Variants in KCNMB2 observed in about 807,000 individuals in gnomAD.
KCNMB2 encodes the protein calcium-activated potassium channel subunit beta-2.
A neutral mutation model predicts 24.5 loss-of-function variants in KCNMB2; 9 were observed. The observed-to-expected ratio is 0.37, with a 90% confidence interval of 0.22 to 0.64. KCNMB2 has a LOEUF of 0.64. Ranked by LOEUF, KCNMB2 falls within the 30% of genes least tolerant of loss-of-function variation. The pLI is 0.63. For missense variants in KCNMB2, 226 were observed against 284.3 expected (o/e 0.79, Z 1.47); for synonymous variants, 109 against 104.4 (o/e 1.04, Z -0.27).
chr3:178,586,158 A>T (rs916961866), intron 1 of KCNMB2, among the ~76,000 whole-genome samples: 1 of 152,048 alleles, frequency 6.6e-6, no homozygotes, highest in Non-Finnish European at 1.5e-5. Flanking sequence ...TCAAGAGGGG[A>T]TTTTGTGGAG....
At chr3:178,578,255 A>C (rs1455235573) in intron 1 of KCNMB2, among the ~76,000 whole-genome samples, 1 of 152,266 alleles carries the variant, frequency 6.6e-6, no homozygotes, top group Non-Finnish European at 1.5e-5. Flanking sequence ...TTTTCAACCC[A>C]GAATTTCATA....
intron 4 of KCNMB2, among the ~76,000 whole-genome samples, chr3:178,839,931 A>G (rs1412033839): frequency 6.6e-6 from 1 of 152,212 alleles, no homozygotes; most frequent in Non-Finnish European, 1.5e-5. Context: ...CCTTCCCAAC[A>G]GTCCCCCAAA....
intron 1 of KCNMB2, among the ~76,000 whole-genome samples, chr3:178,805,784 C>T (rs1287412134): frequency 6.6e-6 from 1 of 152,044 alleles, no homozygotes; most frequent in African/African-American, 2.4e-5. Flanking sequence ...CACACACTAC[C>T]ACACGTGGCT....
chr3:178,585,240 T>C (rs1717385211), intron 1 of KCNMB2, among the ~76,000 whole-genome samples: 1 of 152,198 alleles, frequency 6.6e-6, no homozygotes, highest in South Asian at 2.1e-4. Flanking sequence ...ATCATCATAA[T>C]ACATTTGTAC....
chr3:178,597,870 T>G (rs1039902055), intron 1 of KCNMB2, among the ~76,000 whole-genome samples: 3 of 152,136 alleles, frequency 2.0e-5, no homozygotes, highest in Non-Finnish European at 4.4e-5. Context: ...ATAATCTCCT[T>G]GGCTACAACT....
chr3:178,828,351 A>G lies in KCNMB2; in HGVS notation c.401A>G (p.Glu134Gly). 6.2e-7 allele frequency: 1 copy of G among 1,613,432 alleles called. No individual in the cohort carries two copies. The highest frequency in any genetic ancestry group is 8.5e-7 in the Non-Finnish European group (1 of 1,179,618). ...GEKLLLYHTE[E>G]TIKINQKCSY... is the part of the protein sequence containing the mutation. ...AAGCTCCTCCTCTACCACACAGAAG[A>G]GACAATAAAAATCAATCAGAAGGTA... The change falls in exon 4 of 5, where the codon GAG becomes GGG. Residue 134 changes from glutamate to glycine, a missense_variant. By Grantham distance (98) the Glu-to-Gly change is moderately conservative. Coordinates refer to ENST00000452583, the MANE Select transcript of KCNMB2 (RefSeq NM_181361.3).
At chr3:178,660,409 C>A (rs78899753) in intron 1 of KCNMB2, among the ~76,000 whole-genome samples, 4,811 of 152,150 alleles carry the variant, frequency 0.032, 205 homozygotes, top group East Asian at 0.18. Flanking sequence ...CCATGAAGCC[C>A]AACCCACTTG....
At chr3:178,757,128 T>C (rs992899390) in intron 1 of KCNMB2, 4 of 150,488 alleles carry the variant, frequency 2.7e-5, no homozygotes, top group African/African-American at 9.7e-5. Flanking sequence ...TCCTTAAGTT[T>C]ATTTCCTTCT....
chr3:178,766,761 C>G (rs1331121067), intron 1 of KCNMB2, among the ~76,000 whole-genome samples: 1 of 152,122 alleles, frequency 6.6e-6, no homozygotes, highest in Admixed American at 6.5e-5. Context: ...CAAATAAAAA[C>G]ATAAATGGTT....
intron 1 of KCNMB2, among the ~76,000 whole-genome samples, chr3:178,748,793 T>G (rs1225331760): frequency 6.6e-6 from 1 of 152,178 alleles, no homozygotes; most frequent in Non-Finnish European, 1.5e-5. Flanking sequence ...AACTATTTCT[T>G]AACTATCCTG....
chr3:178,620,362 T>TTA (rs1002768014), intron 1 of KCNMB2, among the ~76,000 whole-genome samples: 1 of 152,146 alleles, frequency 6.6e-6, no homozygotes, highest in African/African-American at 2.4e-5. Context: ...AGAGAAAAAG[T>TTA]TATATACAGG....
chr3:178,813,950 T>TTGC (rs1167024215), intron 2 of KCNMB2, among the ~76,000 whole-genome samples: 2 of 138,706 alleles, frequency 1.4e-5, no homozygotes, highest in African/African-American at 5.5e-5. Context: ...CTTCACTACG[T>TTGC]TGTTGTTGTT....
chr3:178,724,960 T>C (rs1722920622), intron 1 of KCNMB2, among the ~76,000 whole-genome samples: 1 of 152,078 alleles, frequency 6.6e-6, no homozygotes, highest in Non-Finnish European at 1.5e-5. Context: ...TTATTTTTAT[T>C]TTTTCATTTT....
chr3:178,673,960 G>A (rs73181191), intron 1 of KCNMB2, among the ~76,000 whole-genome samples: 123 of 152,138 alleles, frequency 8.1e-4, no homozygotes, highest in African/African-American at 2.3e-3. Context: ...TCTACCAATC[G>A]TTTTAATCAT....
rs114957760 is a variant in KCNMB2 at position 178,756,291 on chromosome 3, T to G, written c.-67-51052T>G. ...GTGTTTGTGTGAATAGAGAAAAGTA[T>G]GTATATGGGCAGTCAATTCTCATTA... is the stretch of plus-strand genomic sequence containing the variant. On this transcript the variant is annotated intron_variant, in intron 1 of 4. Coordinates refer to ENST00000452583, the MANE Select transcript of KCNMB2 (RefSeq NM_181361.3). 5.0e-3 allele frequency among the ~76,000 whole-genome samples: 758 copies of G among 151,870 alleles called. 7 individuals are homozygous for G. The highest frequency in any genetic ancestry group is 0.017 in the African/African-American group (719 of 41,452).
At chr3:178,683,478 A>G (rs1186324476) in intron 1 of KCNMB2, among the ~76,000 whole-genome samples, 1 of 152,184 alleles carries the variant, frequency 6.6e-6, no homozygotes, top group Non-Finnish European at 1.5e-5. Flanking sequence ...AATCTAGGAT[A>G]AAAGTTGAAT....
intron 1 of KCNMB2, among the ~76,000 whole-genome samples, chr3:178,801,094 T>C (rs1046561931): frequency 6.6e-6 from 1 of 152,058 alleles, no homozygotes; most frequent in Non-Finnish European, 1.5e-5. Context: ...GTTGATAGAA[T>C]GAATAAGATC....
chr3:178,648,312 A>G (rs557156531), intron 1 of KCNMB2, among the ~76,000 whole-genome samples: 2 of 152,172 alleles, frequency 1.3e-5, no homozygotes, highest in African/African-American at 2.4e-5. Context: ...CTGAGGCAAG[A>G]GGATCACCTG....
chr3:178,595,845 T>A (rs1284699244), intron 1 of KCNMB2, among the ~76,000 whole-genome samples: 3 of 152,094 alleles, frequency 2.0e-5, no homozygotes, highest in African/African-American at 7.2e-5. Flanking sequence ...ACAAGTAGTA[T>A]AGGTCTTTTT....
Sources: gnomAD v4.1 joint callset for allele counts (sites outside exome capture counted in the v4.1 genomes callset) on GRCh38, gnomAD v4.1.1 for gene constraint, MANE v1.5 for transcripts, NCBI Gene and HGNC (gene_info 2026-07-23, HGNC 2026-07-21) for gene names.